Variants in CEBPZOS observed in about 807,000 individuals in gnomAD.
CEBPZOS encodes CEBPZ opposite strand.
Under a neutral mutation model 4.8 loss-of-function variants are expected in CEBPZOS, and 10 were observed. The observed-to-expected ratio is 2.07, with a 90% CI of 1.28 to 3.52. CEBPZOS has a LOEUF of 3.52. Among genes scored for constraint, CEBPZOS ranks in the 30% most tolerant of loss-of-function variants. The pLI is 0.00. For synonymous variants in CEBPZOS, 25 were observed against 14.2 expected (o/e 1.77, Z -1.72); for missense variants, 98 against 43.6 (o/e 2.25, Z -3.51).
chr2:37,207,010 A>T (rs756868174), downstream of CEBPZOS, among the ~76,000 whole-genome samples: 1 of 152,226 alleles, frequency 6.6e-6, no homozygotes, highest in Non-Finnish European at 1.5e-5. Flanking sequence ...CTATTCTTAT[A>T]TCAGACAAAA....
In CEBPZOS at chr2:37,212,283, A is replaced by G. The variant is rs2110961; in HGVS notation, c.*3-1154A>G. The stretch of plus-strand genomic sequence containing the variant: ...CTGTGGTCTACTGTTCTGAGGGACA[A>G]CAATTTGGGAAATGCTAGAAAAATA... On this transcript the variant is annotated intron_variant, in intron 4 of 4. Coordinates refer to the CEBPZOS transcript ENST00000397064. 2.4e-5 allele frequency: 37 copies of G among 1,514,262 alleles called. 1 individual carries two copies. In the South Asian group the frequency reaches 4.0e-4, roughly 16 times the overall value. 93.8% of individuals were successfully genotyped at this position (1,514,262 alleles called of 1,614,324 possible).
intron 2 of CEBPZOS, among the ~76,000 whole-genome samples, 161 bp from the exon 3 acceptor site, chr2:37,200,887 A>G (rs540951126): frequency 6.6e-6 from 1 of 152,340 alleles, no homozygotes; most frequent in Non-Finnish European, 1.5e-5. Context: ...TCAAAAAAAC[A>G]AAAGGAGATC....
At chr2:37,196,563 G>C (rs1676948508) in intron 1 of CEBPZOS, 43 bp downstream of exon 1, 1 of 152,414 alleles carries the variant, frequency 6.6e-6, no homozygotes, top group Non-Finnish European at 1.5e-5. Context: ...GTCGGATTTC[G>C]GGGTCCCTAG....
chr2:37,199,927 C>G (rs942896652), intron 2 of CEBPZOS, 108 bp downstream of exon 2: 8 of 631,434 alleles, frequency 1.3e-5, no homozygotes, highest in African/African-American at 1.1e-4. Flanking sequence ...TCTTCAGATT[C>G]AAGATATTAG....
downstream of CEBPZOS, chr2:37,208,864 T>C (rs1247866271): frequency 1.3e-5 from 2 of 152,082 alleles, no homozygotes; most frequent in Non-Finnish European, 2.9e-5. Flanking sequence ...TATTCACCGA[T>C]GATATGATAG....
rs1677359466 is a variant in CEBPZOS, at chr2:37,203,078, T to C, written c.*1218T>C. On this transcript the variant is annotated 3_prime_UTR_variant, in exon 5 of 5. Transcript: ENST00000402297. Reference sequence around the variant, plus strand: ...GATTTTAGAAAAATGCAATGCAACATGATTTTATTTTAAAAATTATACTTG... The same window carrying C: ...GATTTTAGAAAAATGCAATGCAACACGATTTTATTTTAAAAATTATACTTG... 1.9e-6 allele frequency: 2 copies of C among 1,044,922 alleles called. No individual in the cohort carries two copies. Among genetic ancestry groups the C allele is most frequent in the South Asian group, 3.5e-5 (2 of 57,870 alleles). 64.7% of individuals were successfully genotyped at this position (1,044,922 alleles called of 1,614,324 possible). A position where few individuals can be genotyped will look rare whatever the true frequency, so the allele number is the denominator to read the frequency against.
rs1677363129 is a variant in CEBPZOS, at chr2:37,203,137, T to C, written c.*1277T>C. 7.1e-6 allele frequency: 4 copies of C among 564,404 alleles called. No individual in the cohort carries two copies. The highest frequency in any genetic ancestry group is 3.2e-5 in the East Asian group (1 of 31,724). The allele number at this position is 564,404 out of a possible 1,614,324, so 35.0% of individuals were successfully genotyped here. A position where few individuals can be genotyped will look rare whatever the true frequency, so the allele number is the denominator to read the frequency against. On this transcript the variant is annotated 3_prime_UTR_variant, in exon 5 of 5. Transcript: ENST00000402297. ...CAATTGCAATAATCTTCTGGCACCATTGGGTAGCTGGCATTTAAATATAAT... is the reference window on the plus strand; with the variant it reads ...CAATTGCAATAATCTTCTGGCACCACTGGGTAGCTGGCATTTAAATATAAT...
intron 1 of CEBPZOS, among the ~76,000 whole-genome samples, chr2:37,198,880 T>G (rs897236281): frequency 3.3e-5 from 5 of 152,090 alleles, no homozygotes; most frequent in South Asian, 2.1e-4. Context: ...AAAGGGCAGA[T>G]TACTGGCTCA....
chr2:37,211,092 G>A (rs1460722606), intron 4 of CEBPZOS: 13 of 1,588,358 alleles, frequency 8.2e-6, no homozygotes, highest in East Asian at 6.7e-5. Flanking sequence ...TCTGTTACAC[G>A]AAAAAATTTG....
chr2:37,211,019 T>G (rs2148347345), intron 4 of CEBPZOS: 1 of 1,611,054 alleles, frequency 6.2e-7, no homozygotes, highest in Middle Eastern at 1.7e-4. Flanking sequence ...GCCAGCAAAG[T>G]CAAAATCATC....
At chr2:37,205,026 T>C (rs148761878), downstream of CEBPZOS, among the ~76,000 whole-genome samples, 7 of 152,354 alleles carry the variant, frequency 4.6e-5, no homozygotes, top group East Asian at 7.7e-4. Flanking sequence ...TCTCATCTTA[T>C]GCTAATACTA....
chr2:37,206,912 G>A (rs183174706), downstream of CEBPZOS, among the ~76,000 whole-genome samples: 4 of 152,232 alleles, frequency 2.6e-5, no homozygotes, highest in East Asian at 3.9e-4. Flanking sequence ...GGAGACTCAC[G>A]TAACACATAA....
At chr2:37,213,389 C>T (rs1417301144) in intron 4 of CEBPZOS, 1 of 153,222 alleles carries the variant, frequency 6.5e-6, no homozygotes, top group Non-Finnish European at 1.5e-5. Context: ...GGGTGAATTA[C>T]CATATATCAT....
chr2:37,199,163 G>A (rs1363210664), intron 1 of CEBPZOS, among the ~76,000 whole-genome samples: 1 of 151,354 alleles, frequency 6.6e-6, no homozygotes, highest in Admixed American at 6.6e-5. Flanking sequence ...TTTAGTATAT[G>A]TTGTATTATT....
downstream of CEBPZOS, among the ~76,000 whole-genome samples, chr2:37,214,610 T>C (rs1335803697): frequency 4.6e-5 from 7 of 152,296 alleles, no homozygotes; most frequent in East Asian, 1.3e-3. Context: ...TTACTTTAGT[T>C]TTACTAAGAT....
intron 4 of CEBPZOS, chr2:37,210,628 T>G (rs1317622847): frequency 1.2e-5 from 2 of 161,450 alleles, no homozygotes; most frequent in East Asian, 3.6e-4. Context: ...GGGGGAAGAG[T>G]GGGAGGCAGT....
At chr2:37,212,932 G>A (rs142156281) in intron 4 of CEBPZOS, among the ~76,000 whole-genome samples, 301 of 150,218 alleles carry the variant, frequency 2.0e-3, no homozygotes, top group African/African-American at 5.7e-3. Flanking sequence ...CCAGCTACCC[G>A]TGGGGCTGAG....
downstream of CEBPZOS, among the ~76,000 whole-genome samples, chr2:37,207,872 G>A (rs1046415982): frequency 6.6e-6 from 1 of 151,864 alleles, no homozygotes; most frequent in South Asian, 2.1e-4. Flanking sequence ...TGGTTCTGTG[G>A]AAAAATAAAG....
In CEBPZOS at chr2:37,203,065, A is replaced by C. The variant is rs1677358530; in HGVS notation, c.*1205A>C. 1 of 1,150,874 alleles carries C rather than the reference A, an allele frequency of 8.7e-7. No individual in the cohort carries two copies. The highest frequency in any genetic ancestry group is 1.6e-5 in the African/African-American group (1 of 62,752). 71.3% of individuals were successfully genotyped at this position (1,150,874 alleles called of 1,614,324 possible). ...TTATAAATCTAATGATTTTAGAAAA[A>C]TGCAATGCAACATGATTTTATTTTA... On this transcript the variant is annotated 3_prime_UTR_variant, in exon 5 of 5. Coordinates refer to ENST00000402297, the MANE Select transcript of CEBPZOS (RefSeq NM_001322374.2).
Sources: gnomAD v4.1 joint callset for allele counts (sites outside exome capture counted in the v4.1 genomes callset) on GRCh38, gnomAD v4.1.1 for gene constraint, MANE v1.5 for transcripts, NCBI Gene and HGNC (gene_info 2026-07-23, HGNC 2026-07-21) for gene names.